Variants in GRIK2 observed in about 807,000 individuals in gnomAD.
GRIK2 encodes the protein glutamate ionotropic receptor kainate type subunit 2, also known as glutamate receptor ionotropic, kainate 2.
GRIK2 carries 32 observed loss-of-function variants against 100.3 expected under a neutral mutation model. The ratio of observed to expected loss-of-function variants is 0.32; its 90% confidence interval spans 0.24 to 0.43. The LOEUF is 0.43. Among genes scored for constraint, GRIK2 ranks in the 20% least tolerant of loss-of-function variants. The probability of loss-of-function intolerance (pLI) is 1.00; values close to 1 mark genes in which losing one functional copy is unlikely to be tolerated. For synonymous variants in GRIK2, 417 were observed against 389.4 expected (o/e 1.07, Z -0.83); for missense variants, 843 against 1,114.9 (o/e 0.76, Z 3.47).
At chr6:101,825,927 A>T (rs1000486158) in intron 10 of GRIK2, among the ~76,000 whole-genome samples, 1 of 152,068 alleles carries the variant, frequency 6.6e-6, no homozygotes, top group Non-Finnish European at 1.5e-5. Context: ...TAAATTTGCA[A>T]TTACTTACTG....
At chr6:101,469,433 G>T (rs141643279) in intron 2 of GRIK2, among the ~76,000 whole-genome samples, 44 of 152,036 alleles carry the variant, frequency 2.9e-4, no homozygotes, top group African/African-American at 1.0e-3. Flanking sequence ...AACCCACTGG[G>T]CCCGTTTAAA....
At chr6:101,798,993 G>A (rs541632396) in intron 7 of GRIK2, among the ~76,000 whole-genome samples, 3 of 152,168 alleles carry the variant, frequency 2.0e-5, no homozygotes, top group African/African-American at 7.2e-5. Context: ...AAAGGAAACC[G>A]TACAAGAGAT....
intron 7 of GRIK2, among the ~76,000 whole-genome samples, chr6:101,762,168 GTC>G (rs372643035): frequency 3.7e-4 from 45 of 121,506 alleles, no homozygotes; most frequent in Middle Eastern, 5.6e-3. Context: ...CTCTGTCTCT[GTC>G]TCTCTCTCTC....
chr6:101,693,211 G>A (rs1466036938), intron 7 of GRIK2, among the ~76,000 whole-genome samples: 2 of 152,026 alleles, frequency 1.3e-5, no homozygotes, highest in Non-Finnish European at 2.9e-5. Flanking sequence ...TTGCAGTGAA[G>A]CATTATCTTT....
In GRIK2 at chr6:101,971,596, G is replaced by A. The variant is rs1420927815; in HGVS notation, c.2085+42964G>A. Among the ~76,000 whole-genome samples, 4 of 151,904 alleles carry A rather than the reference G, an allele frequency of 2.6e-5. No individual in the cohort carries two copies. The South Asian group carries it at 8.3e-4, about 32-fold the overall frequency. ...CTTTTATTTTAGATACAGAGGACACGTGCAGATCTGTTACATGGGTATATT... is the reference window on the plus strand; with the variant it reads ...CTTTTATTTTAGATACAGAGGACACATGCAGATCTGTTACATGGGTATATT... On this transcript the variant is annotated intron_variant, in intron 14 of 16. Transcript: ENST00000369134.
intron 14 of GRIK2, among the ~76,000 whole-genome samples, chr6:101,981,791 G>T (rs1158205006): frequency 6.6e-6 from 1 of 151,682 alleles, no homozygotes; most frequent in African/African-American, 2.4e-5. Context: ...GATAAAATGG[G>T]CAAAGGAGAA....
intron 7 of GRIK2, among the ~76,000 whole-genome samples, chr6:101,770,553 G>T (rs1444546071): frequency 6.6e-6 from 1 of 152,196 alleles, no homozygotes; most frequent in East Asian, 1.9e-4. Context: ...AAACTCAGAA[G>T]TATAAATGTC....
chr6:101,642,239 T>C (rs577617965), intron 4 of GRIK2, among the ~76,000 whole-genome samples: 1 of 152,016 alleles, frequency 6.6e-6, no homozygotes, highest in East Asian at 1.9e-4. Context: ...TTAAAATTTG[T>C]AATTGTGGTA....
At chr6:102,054,326 C>A (rs1771358423) in intron 15 of GRIK2, among the ~76,000 whole-genome samples, 1 of 152,084 alleles carries the variant, frequency 6.6e-6, no homozygotes, top group African/African-American at 2.4e-5. Flanking sequence ...ATGTTGAATA[C>A]AAGCTGAAAT....
intron 2 of GRIK2, among the ~76,000 whole-genome samples, chr6:101,407,516 G>A (rs557494948): frequency 1.2e-4 from 19 of 152,006 alleles, no homozygotes; most frequent in Admixed American, 2.0e-4. Flanking sequence ...AAATCTGGTA[G>A]CTCCCCTAGA....
chr6:102,057,271 C>T (rs1217040721), intron 16 of GRIK2, among the ~76,000 whole-genome samples: 4 of 151,872 alleles, frequency 2.6e-5, no homozygotes, highest in East Asian at 3.9e-4. Context: ...ACGAATTAGT[C>T]TCTTGATGAT....
chr6:101,705,873 C>A (rs1450163223), intron 7 of GRIK2, among the ~76,000 whole-genome samples: 1 of 151,672 alleles, frequency 6.6e-6, no homozygotes, highest in South Asian at 2.1e-4. Context: ...AAAATAAATT[C>A]TTTAAGAAGT....
In GRIK2 at chr6:101,636,449, C is replaced by T. The variant is rs2786238; in HGVS notation, c.541+9812C>T. ...AACCACCATGGCACATGTATACCTA[C>T]GTAACATACCTGCATGTTCTGCACA... is the stretch of plus-strand genomic sequence containing the variant. On this transcript the variant is annotated intron_variant, in intron 4 of 16. Coordinates refer to ENST00000369134, the MANE Select transcript of GRIK2 (RefSeq NM_021956.5). Among the ~76,000 whole-genome samples the T allele has an allele frequency of 2.7e-3, 412 of 151,748 alleles. 2 individuals are homozygous for T. Among genetic ancestry groups the T allele is most frequent in the African/African-American group, 9.5e-3 (395 of 41,388 alleles).
chr6:101,898,387 T>C (rs914508728), intron 12 of GRIK2, among the ~76,000 whole-genome samples: 2 of 151,954 alleles, frequency 1.3e-5, no homozygotes, highest in East Asian at 1.9e-4. Context: ...ATTTAGAAAC[T>C]TGGCAGTTTT....
At chr6:101,571,077 G>A (rs1299969438) in intron 2 of GRIK2, among the ~76,000 whole-genome samples, 1 of 152,046 alleles carries the variant, frequency 6.6e-6, no homozygotes, top group African/African-American at 2.4e-5. Context: ...GTGTATGTGA[G>A]ATTTAGATAT....
At chr6:101,464,513 T>C (rs1230749637) in intron 2 of GRIK2, among the ~76,000 whole-genome samples, 9 of 77,838 alleles carry the variant, frequency 1.2e-4, no homozygotes, top group Non-Finnish European at 2.3e-4. Context: ...TTTTTTTTTT[T>C]TTTTTTTTTT....
At chr6:101,958,055 GT>G in intron 14 of GRIK2, among the ~76,000 whole-genome samples, 1 of 151,788 alleles carries the variant, frequency 6.6e-6, no homozygotes, top group East Asian at 1.9e-4. Context: ...TTCTAATTCT[GT>G]GAAAAATTAT....
At chr6:101,817,120 G>T (rs141593315) in intron 9 of GRIK2, among the ~76,000 whole-genome samples, 88 of 152,252 alleles carry the variant, frequency 5.8e-4, no homozygotes, top group South Asian at 3.5e-3. Context: ...CTAATGTAAA[G>T]AAATGTAAAT....
intron 2 of GRIK2, among the ~76,000 whole-genome samples, chr6:101,584,940 AAG>A: frequency 6.6e-6 from 1 of 151,950 alleles, no homozygotes; most frequent in Admixed American, 6.6e-5. Flanking sequence ...AGATTTCAGT[AAG>A]TGGAGATGTA....
Sources: gnomAD v4.1 joint callset for allele counts (sites outside exome capture counted in the v4.1 genomes callset) on GRCh38, gnomAD v4.1.1 for gene constraint, MANE v1.5 for transcripts, NCBI Gene and HGNC (gene_info 2026-07-23, HGNC 2026-07-21) for gene names.